VPS13B: variants seen among roughly 807,000 people sequenced by gnomAD.
VPS13B encodes the protein vacuolar protein sorting 13 homolog B.
VPS13B carries 285 observed loss-of-function variants against 426.4 expected under a neutral mutation model. That is an observed-to-expected ratio of 0.67 (90% CI 0.61 to 0.74). The LOEUF (loss-of-function observed/expected upper bound fraction) is 0.74. VPS13B is among the 30% of genes least tolerant of loss of function. The pLI, the probability that VPS13B is intolerant of heterozygous loss-of-function variation, is 0.00. For synonymous variants in VPS13B, 1,676 were observed against 1,676.4 expected, an observed-to-expected ratio of 1.00 and a Z score of 0.01; for missense variants, 4,537 against 4,782.6, an observed-to-expected ratio of 0.95 and a Z score of 1.51.
At chr8:99,536,460 C>T (rs1823228704) in intron 30 of VPS13B, among the ~76,000 whole-genome samples, 1 of 152,158 alleles carries the variant, frequency 6.6e-6, no homozygotes, top group African/African-American at 2.4e-5. Flanking sequence ...TAATAACTGG[C>T]TGTAGCATGA....
chr8:99,349,544 T>A (rs933559144), intron 19 of VPS13B, among the ~76,000 whole-genome samples: 18 of 152,092 alleles, frequency 1.2e-4, no homozygotes, highest in Non-Finnish European at 2.1e-4. Flanking sequence ...CCTGGTTAAA[T>A]TTGAGTTTTA....
At chr8:99,809,153 G>A (rs541897364) in intron 43 of VPS13B, among the ~76,000 whole-genome samples, 4 of 152,116 alleles carry the variant, frequency 2.6e-5, no homozygotes, top group Admixed American at 6.5e-5. Context: ...TTTTTAAGAA[G>A]GTTTAAAATG....
At chr8:99,135,162 T>A (rs747293614) in intron 10 of VPS13B, 25 bp downstream of exon 10, 1 of 1,612,394 alleles carries the variant, frequency 6.2e-7, no homozygotes, top group Admixed American at 1.7e-5. Context: ...TCCATCCTTT[T>A]TTGGATAGGA....
intron 33 of VPS13B, among the ~76,000 whole-genome samples, chr8:99,608,433 T>C (rs1563822612): frequency 6.6e-6 from 1 of 152,062 alleles, no homozygotes; most frequent in Non-Finnish European, 1.5e-5. Flanking sequence ...GGTAAGCCAC[T>C]GCATCTGGCC....
chr8:99,312,626 T>C (rs545827407), intron 19 of VPS13B, among the ~76,000 whole-genome samples: 26 of 152,328 alleles, frequency 1.7e-4, no homozygotes, highest in Non-Finnish European at 3.2e-4. Context: ...TCAACTTTGG[T>C]GAATCTGACA....
chr8:99,228,201 T>G (rs1038224744), intron 17 of VPS13B, among the ~76,000 whole-genome samples: 3 of 152,240 alleles, frequency 2.0e-5, no homozygotes, highest in African/African-American at 7.2e-5. Context: ...TAAAATTTTG[T>G]AATTTGTGAA....
At chr8:99,458,454 A>G (rs1818634779) in intron 23 of VPS13B, among the ~76,000 whole-genome samples, 1 of 152,192 alleles carries the variant, frequency 6.6e-6, no homozygotes, top group African/African-American at 2.4e-5. Context: ...TGGCTGGGTC[A>G]AATGGTATTT....
At chr8:99,294,516 T>A (rs1216408232) in intron 19 of VPS13B, among the ~76,000 whole-genome samples, 2 of 150,528 alleles carry the variant, frequency 1.3e-5, no homozygotes, top group Non-Finnish European at 3.0e-5. Context: ...AATGTGCACA[T>A]GTACCCTAAA....
Position 99,448,265 on chromosome 8 carries a change from A to G in VPS13B, c.3445+5630A>G, listed in dbSNP as rs146160036. The stretch of plus-strand genomic sequence containing the variant: ...AATTGAAATTTCCAGTCTATTTTTC[A>G]TACTCCCTAAGAGAATATAGAGTGA... On this transcript the variant is annotated intron_variant, in intron 23 of 61. Transcript: ENST00000357162. Among the ~76,000 whole-genome samples the G allele has an allele frequency of 5.8e-3, 882 of 151,932 alleles. 7 individuals are homozygous for G. The highest frequency in any genetic ancestry group is 9.9e-3 in the Non-Finnish European group (672 of 67,912).
At chr8:99,359,983 A>G (rs771085328) in intron 19 of VPS13B, among the ~76,000 whole-genome samples, 7 of 151,934 alleles carry the variant, frequency 4.6e-5, no homozygotes, top group Non-Finnish European at 1.0e-4. Context: ...TTGTATTTTT[A>G]GTAGAGATGG....
intron 3 of VPS13B, among the ~76,000 whole-genome samples, chr8:99,062,572 G>A (rs1844249116): frequency 1.3e-5 from 2 of 152,128 alleles, no homozygotes; most frequent in African/African-American, 2.4e-5. Flanking sequence ...AGGTTCAAGC[G>A]ATTCTTCTGC....
chr8:99,147,058 G>A (rs1810770728), intron 13 of VPS13B, among the ~76,000 whole-genome samples: 1 of 152,026 alleles, frequency 6.6e-6, no homozygotes, highest in Non-Finnish European at 1.5e-5. Context: ...ATTATAGTGT[G>A]TAATTTTAAT....
intron 33 of VPS13B, among the ~76,000 whole-genome samples, chr8:99,618,350 A>C (rs1828200939): frequency 6.6e-6 from 1 of 152,260 alleles, no homozygotes; most frequent in South Asian, 2.1e-4. Flanking sequence ...CAGGTTTAGA[A>C]ACCGAATCAC....
In VPS13B at chr8:99,156,610, G is replaced by A. The variant is rs371500701; in HGVS notation, c.2075G>A (p.Arg692Gln). 1.0e-4 allele frequency: 168 copies of A among 1,613,940 alleles called. No homozygotes were observed. Among genetic ancestry groups the A allele is most frequent in the Non-Finnish European group, 1.4e-4 (160 of 1,179,928 alleles). ...FQSLRPLPSI[R>Q]ILVDKINLEH... ...TCTCTTCGGCCTTTGCCATCCATTC[G>A]AATATTGGTGGATAAAATTAATCTG... Residue 692 changes from arginine to glutamine, a missense_variant, in exon 15 of 62, where the codon CGA becomes CAA. Transcript: ENST00000357162.
In VPS13B at chr8:99,147,916, ATACAAGTGT is replaced by A; in HGVS notation, c.1923_1931del (p.Ser642_Thr644del). The A allele has an allele frequency of 6.2e-7, 1 of 1,613,768 alleles. No individual in the cohort carries two copies. The highest frequency in any genetic ancestry group is 8.5e-7 in the Non-Finnish European group (1 of 1,179,816). On this transcript the variant is annotated inframe_deletion, in exon 14 of 62. Coordinates refer to ENST00000357162, the MANE Select transcript of VPS13B (RefSeq NM_152564.5). ...CTGGAGGAATATATTCCTACTCGAC[ATACAAGTGT>A]TACTCTCCTCAAATGTACCTGCACA...
At chr8:99,450,528 C>A (rs546755408) in intron 23 of VPS13B, among the ~76,000 whole-genome samples, 1 of 152,064 alleles carries the variant, frequency 6.6e-6, no homozygotes, top group East Asian at 1.9e-4. Flanking sequence ...TCCTAGCCAA[C>A]GTGGTGAAAC....
intron 19 of VPS13B, among the ~76,000 whole-genome samples, chr8:99,281,900 T>G (rs1819194081): frequency 6.6e-6 from 1 of 152,222 alleles, no homozygotes; most frequent in Non-Finnish European, 1.5e-5. Context: ...AATACATCTG[T>G]TTTCAGCAAC....
intron 17 of VPS13B, among the ~76,000 whole-genome samples, chr8:99,215,351 G>C (rs1019361955): frequency 2.4e-4 from 36 of 152,126 alleles, no homozygotes; most frequent in Admixed American, 2.0e-4. Flanking sequence ...AGAAAATACT[G>C]TGATTTAAGT....
At chr8:99,022,237 T>C (rs1280795117) in intron 2 of VPS13B, among the ~76,000 whole-genome samples, 1 of 151,634 alleles carries the variant, frequency 6.6e-6, no homozygotes, top group African/African-American at 2.4e-5. Context: ...CTTTTTCTAC[T>C]CAAATATATA....
Sources: gnomAD v4.1 joint callset for allele counts (sites outside exome capture counted in the v4.1 genomes callset) on GRCh38, gnomAD v4.1.1 for gene constraint, MANE v1.5 for transcripts, NCBI Gene and HGNC (gene_info 2026-07-23, HGNC 2026-07-21) for gene names.